Variants in C6orf62 observed in about 807,000 individuals in gnomAD.
The protein encoded by C6orf62 is uncharacterized protein C6orf62.
In C6orf62, 16 loss-of-function variants were observed where a neutral mutation model predicts 26.8. The observed-to-expected ratio is 0.60, with a 90% CI of 0.40 to 0.91. The LOEUF is 0.91. Among genes scored for constraint, C6orf62 ranks in the 40% least tolerant of loss-of-function variants. The pLI is 0.00. For synonymous variants in C6orf62, 112 were observed against 91.5 expected (o/e 1.22, Z -1.28); for missense variants, 192 against 271.4 (o/e 0.71, Z 2.06).
chr6:24,709,825 C>A, intron 3 of C6orf62: 1 of 985,404 alleles, frequency 1.0e-6, no homozygotes, highest in South Asian at 4.7e-5. Flanking sequence ...ATTCAAGAAA[C>A]CTAGATTTAA....
chr6:24,718,011 G>A (rs1446402905), intron 1 of C6orf62, among the ~76,000 whole-genome samples: 2 of 152,062 alleles, frequency 1.3e-5, no homozygotes, highest in African/African-American at 2.4e-5. Flanking sequence ...TGAACTCTAA[G>A]TAAAAAAGAA....
upstream of C6orf62, chr6:24,719,277 C>T (rs1012458876): frequency 4.0e-6 from 4 of 989,248 alleles, no homozygotes; most frequent in African/African-American, 1.7e-5. Context: ...GGCTGTAGTA[C>T]CTAATTCTTA....
chr6:24,713,557 A>AT (rs1256089468), intron 3 of C6orf62, among the ~76,000 whole-genome samples: 7 of 152,310 alleles, frequency 4.6e-5, no homozygotes, highest in South Asian at 2.1e-4. Context: ...TGTACTTAAA[A>AT]TGAGTCCTTA....
chr6:24,719,455 A>C, upstream of C6orf62: 1 of 1,088,352 alleles, frequency 9.2e-7, no homozygotes, highest in South Asian at 2.5e-5. Flanking sequence ...CTGTGGCCCA[A>C]AGGAGCCATG....
Position 24,710,214 on chromosome 6 carries a change from A to G in C6orf62, c.430-1303T>C. On this transcript the variant is annotated intron_variant, in intron 3 of 4. Coordinates refer to ENST00000378119, the MANE Select transcript of C6orf62 (RefSeq NM_030939.5). ...CAAGTACAGCCAAATATAAAACCCA[A>G]CTTGCTTCAAATCCTTTCCCAGAAT... 5.1e-6 allele frequency: 5 copies of G among 985,320 alleles called. No homozygotes were observed. In the South Asian group the frequency reaches 2.4e-4, roughly 46 times the overall value. The allele number at this position is 985,320 out of a possible 1,614,324, so 61.0% of individuals were successfully genotyped here. A position where few individuals can be genotyped will look rare whatever the true frequency, so the allele number is the denominator to read the frequency against.
In C6orf62 at chr6:24,719,039, G is replaced by A; in HGVS notation, c.-371C>T. The A allele has an allele frequency of 9.3e-7, 1 of 1,070,884 alleles. No homozygotes were observed. The highest frequency in any genetic ancestry group is 1.7e-5 in the African/African-American group (1 of 57,900). The allele number at this position is 1,070,884 out of a possible 1,614,324, so 66.3% of individuals were successfully genotyped here. ...ATGAAAAGCCTATAATCAGGATTTA[G>A]GTGTGCAATAAAACACAGCTGACAC... On this transcript the variant is annotated 5_prime_UTR_variant, in exon 1 of 5. Transcript: ENST00000378119.
In C6orf62 at chr6:24,705,163, T is replaced by C. The variant is rs1188903579; in HGVS notation, c.*974A>G. 1 of 152,558 alleles carries C rather than the reference T, an allele frequency of 6.6e-6. No homozygotes were observed. The highest frequency in any genetic ancestry group is 1.5e-5 in the Non-Finnish European group (1 of 68,022). The allele number at this position is 152,558 out of a possible 1,614,324, so 9.5% of individuals were successfully genotyped here. A position where few individuals can be genotyped will look rare whatever the true frequency, so the allele number is the denominator to read the frequency against. On this transcript the variant is annotated 3_prime_UTR_variant, in exon 5 of 5. Coordinates refer to ENST00000378119, the MANE Select transcript of C6orf62 (RefSeq NM_030939.5). ...TAGAACTTTGACACTCAATGGTTAA[T>C]TTTACAATTTAAGATTCCAACTTTA... is the stretch of plus-strand genomic sequence containing the variant.
intron 3 of C6orf62, among the ~76,000 whole-genome samples, chr6:24,713,055 AGATGCTCCAC>A (rs1779153125): frequency 1.3e-5 from 2 of 152,232 alleles, no homozygotes; most frequent in African/African-American, 4.8e-5. Flanking sequence ...ACCGAAATAC[AGATGCTCCAC>A]GACTTGTGAT....
chr6:24,714,523 A>G (rs1779186876), intron 2 of C6orf62, 83 bp from the exon 3 acceptor site: 26 of 1,014,952 alleles, frequency 2.6e-5, no homozygotes, highest in Non-Finnish European at 3.5e-5. Context: ...GGGTTCCCCT[A>G]TAAAAACATT....
At chr6:24,717,647 T>A (rs1191435501) in intron 1 of C6orf62, among the ~76,000 whole-genome samples, 2 of 151,818 alleles carry the variant, frequency 1.3e-5, no homozygotes, top group African/African-American at 4.8e-5. Flanking sequence ...ATAATAAGAG[T>A]TAAACAGTAG....
At chr6:24,713,511 G>A (rs1352755482) in intron 3 of C6orf62, among the ~76,000 whole-genome samples, 5 of 152,038 alleles carry the variant, frequency 3.3e-5, no homozygotes, top group African/African-American at 1.2e-4. Flanking sequence ...CTCACAATTA[G>A]CTTAAAATAA....
chr6:24,706,301 G>A, intron 4 of C6orf62, 39 bp from the exon 5 acceptor site: 1 of 1,608,824 alleles, frequency 6.2e-7, no homozygotes, highest in Non-Finnish European at 8.5e-7. Context: ...TTAAAAATAA[G>A]ACTTTAGCGT....
chr6:24,709,360 A>C, intron 3 of C6orf62: 1 of 985,374 alleles, frequency 1.0e-6, no homozygotes, highest in Non-Finnish European at 1.2e-6. Flanking sequence ...TTTAAGCCCC[A>C]AGGACATCTC....
upstream of C6orf62, chr6:24,720,478 G>A (rs1581402782): frequency 2.4e-6 from 2 of 834,288 alleles, no homozygotes; most frequent in Non-Finnish European, 3.0e-6. Context: ...GGAGGGGAAG[G>A]ACGCGGAGAC....
In C6orf62 at chr6:24,714,334, G is replaced by C; in HGVS notation, c.413C>G (p.Pro138Arg). The change falls in exon 3 of 5, where the codon CCT (proline) becomes CGT (arginine). Residue 138 changes from proline to arginine, a missense_variant. Pro to Arg is a moderately radical substitution (Grantham distance 103). Transcript: ENST00000378119. ...CCAAAATACCTGAACAGGCCTAAAA[G>C]GCTCATCAGATTCTTTCCACCTAGA... is the stretch of plus-strand genomic sequence containing the variant. ...LFSRWKESDE[P>R]FRPVQAKFEF... The C allele has an allele frequency of 6.2e-7, 1 of 1,609,178 alleles. No individual in the cohort carries two copies. The highest frequency in any genetic ancestry group is 8.5e-7 in the Non-Finnish European group (1 of 1,178,482).
rs753053732 is a variant in C6orf62, at chr6:24,718,493, T to G, written c.129+47A>C. 2.0e-6 allele frequency: 3 copies of G among 1,521,076 alleles called. No individual in the cohort carries two copies. In the South Asian group the frequency reaches 3.5e-5, roughly 18 times the overall value. The allele number at this position is 1,521,076 out of a possible 1,614,324, so 94.2% of individuals were successfully genotyped here. ...TTTAAGAGTAACAAATAATATACAC[T>G]TACAAAAATTACTTGTGCTAATTCA... On this transcript the variant is annotated intron_variant, in intron 1 of 4. Coordinates refer to ENST00000378119, the MANE Select transcript of C6orf62 (RefSeq NM_030939.5).
Position 24,718,762 on chromosome 6 carries a change from T to G in C6orf62, c.-94A>C. 1 of 1,577,562 alleles carries G rather than the reference T, an allele frequency of 6.3e-7. No homozygotes were observed. The highest frequency in any genetic ancestry group is 8.5e-7 in the Non-Finnish European group (1 of 1,170,884). ...TCAAGTACAACAGAAACAAGTCATT[T>G]TTTTTCCTGCTAATATGATTGATTA... is the stretch of plus-strand genomic sequence containing the variant. On this transcript the variant is annotated 5_prime_UTR_variant, in exon 1 of 5. Transcript: ENST00000378119.
chr6:24,705,803 C>A lies in C6orf62; in HGVS notation c.*334G>T. 1 of 177,300 alleles carries A rather than the reference C, an allele frequency of 5.6e-6. No homozygotes were observed. The highest frequency in any genetic ancestry group is 1.2e-5 in the Non-Finnish European group (1 of 83,746). The allele number at this position is 177,300 out of a possible 1,614,324, so 11.0% of individuals were successfully genotyped here. A position where few individuals can be genotyped will look rare whatever the true frequency, so the allele number is the denominator to read the frequency against. On this transcript the variant is annotated 3_prime_UTR_variant, in exon 5 of 5. Coordinates refer to ENST00000378119, the MANE Select transcript of C6orf62 (RefSeq NM_030939.5). ...CAAAAACCAGCACAAATGGGAAGAC[C>A]ATAAAAATGAGTATCACCTTGTGCT...
At position 24,713,389 on chromosome 6, in the gene C6orf62, T is replaced by C. The variant is rs377138996; in HGVS notation, c.429+929A>G. Among the ~76,000 whole-genome samples, 77 of 152,170 alleles carry C rather than the reference T, an allele frequency of 5.1e-4. 1 individual carries two copies. The highest frequency in any genetic ancestry group is 1.4e-3 in the African/African-American group (59 of 41,422). ...TTATTAGAGCTTATGTGTAGCAACA[T>C]TACCATGGGGCGGGAGAGTATATCA... On this transcript the variant is annotated intron_variant, in intron 3 of 4. Transcript: ENST00000378119.
Sources: allele counts gnomAD v4.1 joint callset (sites outside exome capture counted in the v4.1 genomes callset), GRCh38; gene constraint gnomAD v4.1.1; transcripts MANE v1.5; gene names NCBI Gene and HGNC (gene_info 2026-07-23, HGNC 2026-07-21).